Variants in BDP1 observed in about 807,000 individuals in gnomAD.
BDP1 encodes the protein BDP1 general transcription factor IIIB subunit.
A neutral mutation model predicts 266.6 loss-of-function variants in BDP1; 169 were observed. That is an observed-to-expected ratio of 0.63 (90% CI 0.56 to 0.72). BDP1 has a LOEUF of 0.72. BDP1 is among the 30% of genes least tolerant of loss of function. The probability of loss-of-function intolerance (pLI) is 0.00; values close to 1 mark genes in which losing one functional copy is unlikely to be tolerated. For missense variants in BDP1, 3,015 were observed against 3,053.8 expected (o/e 0.99, Z 0.30); for synonymous variants, 1,090 against 1,022.4 (o/e 1.07, Z -1.26).
Position 71,524,330 on chromosome 5 carries a change from T to G in BDP1, c.5772+7T>G, listed in dbSNP as rs764920414. Reference sequence around the variant, plus strand: ...TGAGGAAACAATGGAAGAGGTTCGGTTTTTTTTTAAAACCTTGGTACTTTA... The same window carrying G: ...TGAGGAAACAATGGAAGAGGTTCGGGTTTTTTTTAAAACCTTGGTACTTTA... On this transcript the variant is annotated splice_region_variant and intron_variant, in intron 25 of 38. Transcript: ENST00000358731. 1.9e-6 allele frequency: 3 copies of G among 1,559,794 alleles called. No homozygotes were observed. Among genetic ancestry groups the G allele is most frequent in the Non-Finnish European group, 2.6e-6 (3 of 1,151,268 alleles).
In BDP1 at chr5:71,501,480, G is replaced by GT; in HGVS notation, c.1957-80dup. 20 of 937,428 alleles carry GT rather than the reference G, an allele frequency of 2.1e-5. No homozygotes were observed. The South Asian group carries it at 2.8e-4, about 13-fold the overall frequency. 58.1% of individuals were successfully genotyped at this position (937,428 alleles called of 1,614,324 possible). On this transcript the variant is annotated intron_variant, in intron 13 of 38. Transcript: ENST00000358731. ...TGAGCCACCGTGCCCGGCCAGTTCT[G>GT]TTGTTTTAATTTCCATTTGTTTATT... is the stretch of plus-strand genomic sequence containing the variant.
intron 7 of BDP1, chr5:71,476,371 TAGA>T (rs1762585490): frequency 6.6e-6 from 1 of 152,206 alleles, no homozygotes; most frequent in Non-Finnish European, 1.5e-5. Context: ...AAGAGATTCA[TAGA>T]GTACGGTCTG....
At chr5:71,495,481 A>G (rs1763829811) in intron 12 of BDP1, 73 bp downstream of exon 12, 1 of 1,026,286 alleles carries the variant, frequency 9.7e-7, no homozygotes, top group African/African-American at 1.6e-5. Context: ...ATGTTGCTTC[A>G]TTTAGGGATT....
Position 71,551,975 on chromosome 5 carries a change from G to C in BDP1, c.6996-1141G>C, listed in dbSNP as rs924025787. Among the ~76,000 whole-genome samples, 32 of 150,498 alleles carry C rather than the reference G, an allele frequency of 2.1e-4. 2 individuals carry two copies. Among genetic ancestry groups the C allele is most frequent in the Admixed American group, 6.6e-5 (1 of 15,228 alleles). ...GGCTGACCCCCCCACCTCCCTCCCG[G>C]ACGGGGCGGCTGGCCTGGCGAGGGC... On this transcript the variant is annotated intron_variant, in intron 34 of 38. Transcript: ENST00000358731.
At chr5:71,574,274 A>C in the BDP1 span, among the ~76,000 whole-genome samples, 1 of 152,228 alleles carries the variant, frequency 6.6e-6, no homozygotes, top group African/African-American at 2.4e-5. Flanking sequence ...CCAGCAGAAA[A>C]AAATGCCAGG....
At chr5:71,495,690 G>A (rs940991663) in intron 12 of BDP1, among the ~76,000 whole-genome samples, 1 of 152,048 alleles carries the variant, frequency 6.6e-6, no homozygotes, top group Non-Finnish European at 1.5e-5. Context: ...AAACAATTTG[G>A]AAGCCTAAAT....
intron 13 of BDP1, among the ~76,000 whole-genome samples, chr5:71,500,082 A>G (rs1764134480): frequency 6.6e-6 from 1 of 151,888 alleles, no homozygotes; most frequent in African/African-American, 2.4e-5. Flanking sequence ...CCAGAATTCT[A>G]TTGTTACCAT....
At chr5:71,525,236 C>T (rs1398440529) in intron 25 of BDP1, among the ~76,000 whole-genome samples, 5 of 151,256 alleles carry the variant, frequency 3.3e-5, no homozygotes, top group East Asian at 2.0e-4. Context: ...CCTCACCTCC[C>T]GGATGGGGTG....
chr5:71,569,888 C>T (rs1165329595), downstream of BDP1, among the ~76,000 whole-genome samples: 7 of 152,178 alleles, frequency 4.6e-5, no homozygotes, highest in Non-Finnish European at 7.4e-5. Context: ...ATTGTTCATT[C>T]GGACCTGTCT....
chr5:71,505,927 A>G (rs541954706), intron 16 of BDP1, among the ~76,000 whole-genome samples: 1 of 152,268 alleles, frequency 6.6e-6, no homozygotes, highest in Non-Finnish European at 1.5e-5. Flanking sequence ...TACTTTAAAG[A>G]TCTTCATTGG....
At chr5:71,457,655 A>G (rs1021575473) in intron 1 of BDP1, among the ~76,000 whole-genome samples, 6 of 152,198 alleles carry the variant, frequency 3.9e-5, no homozygotes, top group African/African-American at 1.2e-4. Context: ...GTAAAACTCT[A>G]TAGGATATAT....
intron 16 of BDP1, among the ~76,000 whole-genome samples, chr5:71,508,769 A>C (rs548838933): frequency 6.6e-6 from 1 of 152,326 alleles, no homozygotes; most frequent in East Asian, 1.9e-4. Flanking sequence ...TATTATAATA[A>C]ACAGAAAGCA....
chr5:71,553,014 CCTTTAA>C, intron 34 of BDP1, 96 bp from the exon 35 acceptor site: 1 of 981,356 alleles, frequency 1.0e-6, no homozygotes, highest in Non-Finnish European at 1.5e-6. Flanking sequence ...AATACCTCAG[CCTTTAA>C]CTTTATTATT....
At chr5:71,482,145 T>C (rs1580033070) in intron 7 of BDP1, among the ~76,000 whole-genome samples, 2 of 152,218 alleles carry the variant, frequency 1.3e-5, no homozygotes, top group South Asian at 2.1e-4. Context: ...TCTGGACATA[T>C]GCAACCCATA....
rs1014366026 is a variant in BDP1, at chr5:71,510,339, G to A, written c.3247G>A (p.Ala1083Thr). 6.2e-7 allele frequency: 1 copy of A among 1,613,780 alleles called. No individual in the cohort carries two copies. Among genetic ancestry groups the A allele is most frequent in the African/African-American group, 1.3e-5 (1 of 74,946 alleles). ...PRGKTPEVID[A>T]IEEIEIDLEE... ...GGGGAAGACACCAGAGGTGATTGAT[G>A]CCATTGAGGAAATAGAGATAGATTT... Residue 1083 changes from alanine to threonine, a missense_variant, in exon 17 of 39, where the codon GCC becomes ACC. Around this residue, in one of 3 missense-constraint regions of BDP1, gnomAD observed 2,383 missense variants for 2,404.9 expected, o/e 0.99. Transcript: ENST00000358731.
intron 7 of BDP1, among the ~76,000 whole-genome samples, chr5:71,475,300 A>G (rs938841977): frequency 6.6e-6 from 1 of 151,990 alleles, no homozygotes; most frequent in African/African-American, 2.4e-5. Context: ...TGTAGAGACT[A>G]AGTCTCACTG....
chr5:71,489,558 A>G lies in BDP1; in HGVS notation c.1368A>G (p.Glu456=), dbSNP rs1561699677. The G allele has an allele frequency of 6.2e-7, 1 of 1,614,152 alleles. No homozygotes were observed. The highest frequency in any genetic ancestry group is 8.5e-7 in the Non-Finnish European group (1 of 1,179,996). Residue 456 remains glutamate, a synonymous_variant, in exon 10 of 39, where the codon GAA becomes GAG. Coordinates refer to ENST00000358731, the MANE Select transcript of BDP1 (RefSeq NM_018429.3). ...AGGATGCAGAGCAGGTTGCATTAGAAGTAGACCTAAATCAAAAGAAAAGAA... is the reference window on the plus strand; with the variant it reads ...AGGATGCAGAGCAGGTTGCATTAGAGGTAGACCTAAATCAAAAGAAAAGAA... ...SREDAEQVAL[E]VDLNQKKRRR...
At chr5:71,494,676 A>G (rs1763776618) in intron 11 of BDP1, 1 of 152,132 alleles carries the variant, frequency 6.6e-6, no homozygotes, top group South Asian at 2.1e-4. Flanking sequence ...TATTTTACGC[A>G]TGTTTGATTT....
chr5:71,502,851 G>A, intron 15 of BDP1, 60 bp downstream of exon 15: 1 of 1,307,706 alleles, frequency 7.6e-7, no homozygotes. Flanking sequence ...CTTAATATAA[G>A]CTTCCCTTCA....
Sources: gnomAD v4.1 joint callset for allele counts (sites outside exome capture counted in the v4.1 genomes callset) on GRCh38, gnomAD v4.1.1 for gene constraint, gnomAD v4.1.1 regional missense constraint, MANE v1.5 for transcripts, NCBI Gene and HGNC (gene_info 2026-07-23, HGNC 2026-07-21) for gene names.